TSHZ2: variants seen among roughly 807,000 people sequenced by gnomAD.
TSHZ2 encodes the protein teashirt zinc finger homeobox 2, also known as teashirt homolog 2.
In TSHZ2, 21 loss-of-function variants were observed where a neutral mutation model predicts 74.4. That is an observed-to-expected ratio of 0.28 (90% CI 0.20 to 0.41). TSHZ2 has a LOEUF of 0.41. Among genes scored for constraint, TSHZ2 ranks in the 10% least tolerant of loss-of-function variants. The pLI, the probability that TSHZ2 is intolerant of heterozygous loss-of-function variation, is 1.00. For synonymous variants in TSHZ2, 540 were observed against 515.3 expected, an observed-to-expected ratio of 1.05 and a Z score of -0.65; for missense variants, 1,244 against 1,293.5, an observed-to-expected ratio of 0.96 and a Z score of 0.59.
intron 1 of TSHZ2, among the ~76,000 whole-genome samples, chr20:53,034,366 A>G (rs556166197): frequency 6.6e-6 from 1 of 152,310 alleles, no homozygotes; most frequent in South Asian, 2.1e-4. Flanking sequence ...CTGCAAAATA[A>G]GGTGTCTGCC....
At chr20:53,469,587 A>C (rs1310115189) in intron 2 of TSHZ2, among the ~76,000 whole-genome samples, 1 of 66,208 alleles carries the variant, frequency 1.5e-5, no homozygotes, top group African/African-American at 5.7e-5. Flanking sequence ...GAAGGAAGGA[A>C]GGAAGGAAGG....
chr20:53,352,943 C>T (rs954132673), intron 2 of TSHZ2, among the ~76,000 whole-genome samples: 1 of 152,064 alleles, frequency 6.6e-6, no homozygotes, highest in Non-Finnish European at 1.5e-5. Flanking sequence ...TCCTCTGTTG[C>T]TAATCCTTCT....
chr20:53,033,943 A>G (rs1008235861), intron 1 of TSHZ2, among the ~76,000 whole-genome samples: 2 of 152,082 alleles, frequency 1.3e-5, no homozygotes, highest in Admixed American at 6.6e-5. Flanking sequence ...TGCAGGCATG[A>G]GCCACCGTGC....
chr20:53,182,600 T>A (rs1988507407), intron 1 of TSHZ2, among the ~76,000 whole-genome samples: 1 of 152,226 alleles, frequency 6.6e-6, no homozygotes, highest in Non-Finnish European at 1.5e-5. Context: ...TGCTAATGAT[T>A]AATTAAAATG....
intron 1 of TSHZ2, among the ~76,000 whole-genome samples, chr20:52,985,115 C>A (rs1001023860): frequency 3.3e-5 from 5 of 152,072 alleles, no homozygotes; most frequent in Non-Finnish European, 5.9e-5. Context: ...GGAATGGCTT[C>A]TTCACATATT....
chr20:53,254,545 C>A lies in TSHZ2; in HGVS notation c.1087C>A (p.Gln363Lys). 1 of 1,613,842 alleles carries A rather than the reference C, an allele frequency of 6.2e-7. No homozygotes were observed. The highest frequency in any genetic ancestry group is 8.5e-7 in the Non-Finnish European group (1 of 1,179,770). ...GTCCTCCAACAACCGCTATGGCTAC[C>A]AAAATGGAGCCAGCTACACCTGGCA... The part of the protein sequence containing the change: ...QLSSNNRYGY[Q>K]NGASYTWQFE... Residue 363 changes from glutamine (Q) to lysine (K), a missense_variant, in exon 2 of 3, where the codon CAA (glutamine) becomes AAA (lysine). Physicochemically the swap from Gln to Lys is moderately conservative, Grantham distance 53. Transcript: ENST00000371497.
intron 2 of TSHZ2, among the ~76,000 whole-genome samples, chr20:53,381,789 G>T (rs577952909): frequency 6.6e-6 from 1 of 152,096 alleles, no homozygotes; most frequent in Non-Finnish European, 1.5e-5. Flanking sequence ...TGGTGTCTGT[G>T]TATGGTCCCT....
intron 2 of TSHZ2, among the ~76,000 whole-genome samples, chr20:53,468,393 A>C (rs1985624725): frequency 6.6e-6 from 1 of 152,112 alleles, no homozygotes; most frequent in South Asian, 2.1e-4. Flanking sequence ...CTGCCATTGA[A>C]ATCTTCTAAG....
Position 53,255,746 on chromosome 20 carries a change from A to T in TSHZ2, c.2288A>T (p.Gln763Leu). 5 of 1,613,734 alleles carry T rather than the reference A, an allele frequency of 3.1e-6. No homozygotes were observed. The highest frequency in any genetic ancestry group is 4.2e-6 in the Non-Finnish European group (5 of 1,179,848). The change falls in exon 2 of 3, where the codon CAG (glutamine) becomes CTG (leucine). Residue 763 changes from glutamine to leucine, a missense_variant. Transcript: ENST00000371497. This position sits in a 1 kb window ranked among gnomAD's most constrained non-coding sequence, Gnocchi z 4.1. ...SRRYLFENSD[Q>L]PIDLTKSKSK... is the part of the protein sequence containing the mutation. ...CGCTACCTGTTTGAGAACAGCGATCAGCCCATTGACCTGACCAAGTCCAAA... is the reference window on the plus strand; with the variant it reads ...CGCTACCTGTTTGAGAACAGCGATCTGCCCATTGACCTGACCAAGTCCAAA...
At chr20:53,337,218 C>T (rs1024655005) in intron 2 of TSHZ2, among the ~76,000 whole-genome samples, 2 of 152,210 alleles carry the variant, frequency 1.3e-5, no homozygotes, top group African/African-American at 2.4e-5. Flanking sequence ...TCCCTGCATG[C>T]ATTGTTGAAG....
intron 1 of TSHZ2, among the ~76,000 whole-genome samples, chr20:53,240,795 C>A (rs1990050752): frequency 6.6e-6 from 1 of 150,506 alleles, no homozygotes; most frequent in South Asian, 2.1e-4. Context: ...GGGAGTTTGA[C>A]TTCTATAAGT....
At chr20:53,259,422 G>C (rs1990555278) in intron 2 of TSHZ2, among the ~76,000 whole-genome samples, 1 of 152,240 alleles carries the variant, frequency 6.6e-6, no homozygotes, top group African/African-American at 2.4e-5. Context: ...TCTATTTTAG[G>C]TCATAAGTAA....
chr20:53,193,012 C>T (rs1420101968), intron 1 of TSHZ2, among the ~76,000 whole-genome samples: 1 of 152,146 alleles, frequency 6.6e-6, no homozygotes, highest in Non-Finnish European at 1.5e-5. Context: ...GTAAACACCA[C>T]AGTGGGGACA....
At chr20:53,357,449 G>A (rs922463956) in intron 2 of TSHZ2, among the ~76,000 whole-genome samples, 6 of 151,974 alleles carry the variant, frequency 3.9e-5, no homozygotes, top group Non-Finnish European at 8.8e-5. Flanking sequence ...AGAATCACTT[G>A]AGCCCAGGAG....
intron 1 of TSHZ2, among the ~76,000 whole-genome samples, chr20:53,137,304 T>A (rs1205963118): frequency 2.0e-5 from 3 of 151,334 alleles, no homozygotes; most frequent in Non-Finnish European, 2.9e-5. Context: ...TTCTTTTTTT[T>A]TTTTTTTTCA....
At chr20:53,371,641 C>G (rs182363112) in intron 2 of TSHZ2, among the ~76,000 whole-genome samples, 1 of 152,080 alleles carries the variant, frequency 6.6e-6, no homozygotes, top group Non-Finnish European at 1.5e-5. Flanking sequence ...TTTGGGAGGC[C>G]GAAGTGGGCG....
chr20:53,259,210 GA>G (rs1274940283), intron 2 of TSHZ2, among the ~76,000 whole-genome samples: 2 of 152,204 alleles, frequency 1.3e-5, no homozygotes, highest in African/African-American at 4.8e-5. Flanking sequence ...TGTGCAAAGT[GA>G]CATGATATTT....
At chr20:53,069,729 C>CAA (rs11471707) in intron 1 of TSHZ2, among the ~76,000 whole-genome samples, 75,046 of 145,362 alleles carry the variant, frequency 0.52, 19,864 homozygotes, top group Middle Eastern at 0.63. Context: ...TTCCATATAA[C>CAA]GAGAGGAAAA....
chr20:53,243,000 G>A (rs1990108665), intron 1 of TSHZ2, among the ~76,000 whole-genome samples: 1 of 152,040 alleles, frequency 6.6e-6, no homozygotes, highest in South Asian at 2.1e-4. Context: ...ACTGAAATAA[G>A]GTATACAAAA....
Sources: gnomAD v4.1 joint callset for allele counts (sites outside exome capture counted in the v4.1 genomes callset) on GRCh38, gnomAD v4.1.1 for gene constraint, Gnocchi (gnomAD v3.1) non-coding constraint, MANE v1.5 for transcripts, NCBI Gene and HGNC (gene_info 2026-07-23, HGNC 2026-07-21) for gene names.